FHIT: variants seen among roughly 807,000 people sequenced by gnomAD.
FHIT encodes the protein fragile histidine triad diadenosine triphosphatase, also known as bis(5'-adenosyl)-triphosphatase.
A neutral mutation model predicts 17.9 loss-of-function variants in FHIT; 19 were observed. That is an observed-to-expected ratio of 1.06 (90% CI 0.74 to 1.56). FHIT has a LOEUF of 1.56. Among genes scored for constraint, FHIT ranks in the 40% most tolerant of loss-of-function variants. The pLI, the probability that FHIT is intolerant of heterozygous loss-of-function variation, is 0.00. For synonymous variants in FHIT, 81 were observed against 69.7 expected (o/e 1.16, Z -0.81); for missense variants, 248 against 189.2 (o/e 1.31, Z -1.82).
At chr3:60,814,578 G>T (rs782029450) in intron 4 of FHIT, among the ~76,000 whole-genome samples, 4 of 152,114 alleles carry the variant, frequency 2.6e-5, no homozygotes, top group African/African-American at 9.7e-5. Context: ...TGATATACAT[G>T]TACCAAATTT....
intron 4 of FHIT, among the ~76,000 whole-genome samples, chr3:60,706,941 T>G (rs1032220627): frequency 2.6e-5 from 4 of 152,230 alleles, no homozygotes; most frequent in Non-Finnish European, 4.4e-5. Context: ...TTAATTGTAC[T>G]GCTGAAATTA....
At chr3:60,960,340 T>C (rs1157883843) in intron 3 of FHIT, among the ~76,000 whole-genome samples, 1 of 152,210 alleles carries the variant, frequency 6.6e-6, no homozygotes, top group Non-Finnish European at 1.5e-5. Flanking sequence ...ACTGTTGCTC[T>C]TGGTTGGACT....
At chr3:61,091,717 G>C (rs1302079982) in intron 2 of FHIT, among the ~76,000 whole-genome samples, 1 of 151,942 alleles carries the variant, frequency 6.6e-6, no homozygotes, top group African/African-American at 2.4e-5. Flanking sequence ...GGAGGCCGAG[G>C]CAGAGGGATC....
At chr3:60,453,162 T>A (rs1034369320) in intron 5 of FHIT, among the ~76,000 whole-genome samples, 1 of 152,038 alleles carries the variant, frequency 6.6e-6, no homozygotes, top group South Asian at 2.1e-4. Context: ...TTATACGCTG[T>A]CATGAACAGT....
At chr3:60,141,350 T>C (rs574321240) in intron 5 of FHIT, among the ~76,000 whole-genome samples, 2 of 150,622 alleles carry the variant, frequency 1.3e-5, no homozygotes, top group African/African-American at 2.4e-5. Flanking sequence ...ATTGTAGTTG[T>C]GCAGTAATGA....
intron 4 of FHIT, among the ~76,000 whole-genome samples, chr3:60,577,971 C>G (rs1463854490): frequency 4.6e-5 from 7 of 152,124 alleles, no homozygotes; most frequent in African/African-American, 1.4e-4. Context: ...TCCTAAAGCC[C>G]TAAGACTAAG....
chr3:60,586,817 G>A (rs1207066014), intron 4 of FHIT, among the ~76,000 whole-genome samples: 4 of 151,874 alleles, frequency 2.6e-5, no homozygotes, highest in Admixed American at 6.6e-5. Context: ...ACAAAGAGGC[G>A]AACAATAGAC....
intron 5 of FHIT, among the ~76,000 whole-genome samples, chr3:60,364,164 C>T (rs566680927): frequency 6.6e-6 from 1 of 152,346 alleles, no homozygotes; most frequent in East Asian, 1.9e-4. Context: ...TACAGCCTTT[C>T]TAATAATGCC....
chr3:60,796,405 T>C (rs1553730367), intron 4 of FHIT, among the ~76,000 whole-genome samples: 1 of 152,222 alleles, frequency 6.6e-6, no homozygotes, highest in African/African-American at 2.4e-5. Flanking sequence ...CCTTTATTTT[T>C]ATTCTTTTTT....
intron 5 of FHIT, among the ~76,000 whole-genome samples, chr3:60,256,924 T>G (rs1706026379): frequency 6.6e-6 from 1 of 152,228 alleles, no homozygotes; most frequent in Non-Finnish European, 1.5e-5. Flanking sequence ...GTCTGTTCAG[T>G]GTCTTCAAGG....
intron 5 of FHIT, among the ~76,000 whole-genome samples, chr3:60,029,029 A>T (rs755039080): frequency 6.6e-6 from 1 of 152,008 alleles, no homozygotes; most frequent in Non-Finnish European, 1.5e-5. Flanking sequence ...TGTTCAAGAG[A>T]CTCTCAATAA....
At chr3:59,756,557 G>T (rs1666064) in intron 8 of FHIT, among the ~76,000 whole-genome samples, 25,755 of 152,094 alleles carry the variant, frequency 0.17, 2,558 homozygotes, top group South Asian at 0.27. Context: ...ACGACATCCT[G>T]ATATGAAACA....
chr3:61,026,648 C>CT (rs111567354), intron 3 of FHIT, among the ~76,000 whole-genome samples: 41,309 of 151,728 alleles, frequency 0.27, 6,611 homozygotes, highest in African/African-American at 0.45. Flanking sequence ...ATTATGAGAC[C>CT]TTTTTTTTGC....
intron 7 of FHIT, among the ~76,000 whole-genome samples, chr3:59,977,272 T>C (rs1171238414): frequency 2.6e-5 from 4 of 152,170 alleles, no homozygotes; most frequent in African/African-American, 9.6e-5. Context: ...GACTCCAGCC[T>C]GCGGTTGCTT....
intron 5 of FHIT, among the ~76,000 whole-genome samples, chr3:60,163,033 A>C (rs1042257357): frequency 6.6e-6 from 1 of 152,164 alleles, no homozygotes; most frequent in African/African-American, 2.4e-5. Context: ...TCTCACACAG[A>C]GCTCTTGGTT....
intron 3 of FHIT, among the ~76,000 whole-genome samples, chr3:60,987,146 T>G (rs1710752265): frequency 6.6e-6 from 1 of 152,140 alleles, no homozygotes; most frequent in Admixed American, 6.5e-5. Flanking sequence ...AGGCAGAACT[T>G]AAAACATGAT....
intron 5 of FHIT, among the ~76,000 whole-genome samples, chr3:60,434,596 G>C (rs2030041007): frequency 1.3e-5 from 2 of 152,146 alleles, no homozygotes; most frequent in East Asian, 1.9e-4. Flanking sequence ...ACATTACCTT[G>C]TCTCTATTTC....
At chr3:60,621,504 C>T (rs1288698878) in intron 4 of FHIT, among the ~76,000 whole-genome samples, 1 of 151,406 alleles carries the variant, frequency 6.6e-6, no homozygotes, top group African/African-American at 2.4e-5. Context: ...AGTGTTCAAA[C>T]ATAAATGGAA....
intron 3 of FHIT, among the ~76,000 whole-genome samples, chr3:60,983,371 A>G (rs1399676421): frequency 6.6e-6 from 1 of 152,152 alleles, no homozygotes. Flanking sequence ...ACTCAGCACA[A>G]CTGATGTCAG....
Sources: gnomAD v4.1 joint callset for allele counts (sites outside exome capture counted in the v4.1 genomes callset) on GRCh38, gnomAD v4.1.1 for gene constraint, MANE v1.5 for transcripts, NCBI Gene and HGNC (gene_info 2026-07-23, HGNC 2026-07-21) for gene names.